The following TASOR variants were observed in gnomAD, a reference collection of about 807,000 sequenced individuals.
The protein encoded by TASOR is transcription activation suppressor.
Under a neutral mutation model 178.6 loss-of-function variants are expected in TASOR, and 53 were observed. The ratio of observed to expected loss-of-function variants is 0.30; its 90% CI spans 0.24 to 0.37. TASOR has a LOEUF of 0.37. Ranked by LOEUF, TASOR falls within the 10% of genes least tolerant of loss-of-function variation. The pLI is 1.00. For missense variants in TASOR, 1,815 were observed against 1,971.4 expected (o/e 0.92, Z 1.50); for synonymous variants, 713 against 696.2 (o/e 1.02, Z -0.38).
chr3:56,632,785 A>G (rs756956693), intron 18 of TASOR, among the ~76,000 whole-genome samples: 1 of 152,094 alleles, frequency 6.6e-6, no homozygotes, highest in Admixed American at 6.6e-5. Context: ...GGACTACAGT[A>G]GAGTGCCACC....
Position 56,668,280 on chromosome 3 carries a change from CA to C in TASOR, c.897+116del, listed in dbSNP as rs2107624454. The stretch of plus-strand genomic sequence containing the variant: ...GACACTGGAGTCTGGAAGTGATATG[CA>C]GACACCAGAGTCTAGACTAATGTGG... On this transcript the variant is annotated intron_variant, in intron 6 of 23. Coordinates refer to ENST00000683822, the MANE Select transcript of TASOR (RefSeq NM_001365635.2). 3.3e-6 allele frequency: 3 copies of C among 922,122 alleles called. No individual in the cohort carries two copies. In the East Asian group the frequency reaches 8.0e-5, roughly 25 times the overall value. The allele number at this position is 922,122 out of a possible 1,614,324, so 57.1% of individuals were successfully genotyped here.
In TASOR at chr3:56,633,760, G is replaced by A; in HGVS notation, c.3031C>T (p.Pro1011Ser). The A allele has an allele frequency of 6.2e-7, 1 of 1,614,010 alleles. No individual in the cohort carries two copies. Among genetic ancestry groups the A allele is most frequent in the Non-Finnish European group, 8.5e-7 (1 of 1,180,026 alleles). ...QCVPAAEAEP[P>S]AVSETTERTV... The stretch of plus-strand genomic sequence containing the variant: ...CTCTCTGTGGTTTCGCTCACTGCAG[G>A]CGGCTCTGCCTCTGCTGCTGGCACA... The change falls in exon 18 of 24, where the codon CCT becomes TCT. Residue 1011 changes from proline to serine, a missense_variant. By Grantham distance (74) the Pro-to-Ser change is moderately conservative (BLOSUM62 -1). Coordinates refer to ENST00000683822, the MANE Select transcript of TASOR (RefSeq NM_001365635.2).
At chr3:56,649,458 A>G (rs2077304318) in intron 11 of TASOR, among the ~76,000 whole-genome samples, 1 of 152,244 alleles carries the variant, frequency 6.6e-6, no homozygotes, top group Non-Finnish European at 1.5e-5. Context: ...CTGCGTTGCA[A>G]GAGTTCAGAC....
At chr3:56,652,298 G>A (rs1214962231) in intron 11 of TASOR, among the ~76,000 whole-genome samples, 6 of 152,066 alleles carry the variant, frequency 3.9e-5, no homozygotes, top group Admixed American at 1.3e-4. Flanking sequence ...TGGCTAAAAT[G>A]GCTGGGCACG....
chr3:56,633,799 C>T lies in TASOR; in HGVS notation c.2992G>A (p.Val998Met). ...GCTGCTGGCACACACTGCTCCTCCA[C>T]CTGACCTGTCAACACGTCATCCTCA... The part of the protein sequence containing the change: ...TTEDDVLTGQ[V>M]EEQCVPAAEA... Residue 998 changes from valine (V) to methionine (M), a missense_variant, in exon 18 of 24, where the codon GTG becomes ATG. Coordinates refer to ENST00000683822, the MANE Select transcript of TASOR (RefSeq NM_001365635.2). 1.2e-6 allele frequency: 2 copies of T among 1,614,222 alleles called. No individual in the cohort carries two copies. The highest frequency in any genetic ancestry group is 1.7e-6 in the Non-Finnish European group (2 of 1,180,034).
intron 11 of TASOR, among the ~76,000 whole-genome samples, chr3:56,653,393 C>A (rs1233502652): frequency 7.0e-6 from 1 of 143,258 alleles, no homozygotes; most frequent in Admixed American, 6.9e-5. Context: ...AAAAGATATA[C>A]CAAGCTGGAT....
At chr3:56,652,242 G>A (rs1372021537) in intron 11 of TASOR, among the ~76,000 whole-genome samples, 1 of 152,162 alleles carries the variant, frequency 6.6e-6, no homozygotes, top group Non-Finnish European at 1.5e-5. Flanking sequence ...TTGCACAACA[G>A]TGTGAATCTA....
chr3:56,649,089 C>T (rs1216945394), intron 11 of TASOR, 32 bp from the exon 12 acceptor site: 2 of 1,517,406 alleles, frequency 1.3e-6, no homozygotes, highest in African/African-American at 2.8e-5. Flanking sequence ...GAAGTTGTAT[C>T]TGCTTTATTA....
At chr3:56,679,053 C>A (rs2031572485) in intron 1 of TASOR, among the ~76,000 whole-genome samples, 1 of 147,498 alleles carries the variant, frequency 6.8e-6, no homozygotes, top group Non-Finnish European at 1.5e-5. Flanking sequence ...ATACGAAGTA[C>A]AAATAAACAA....
intron 11 of TASOR, among the ~76,000 whole-genome samples, chr3:56,654,063 T>A (rs2107595915): frequency 6.6e-6 from 1 of 152,098 alleles, no homozygotes; most frequent in East Asian, 1.9e-4. Context: ...GCCCAGGAGT[T>A]TGAGACCAAT....
chr3:56,645,256 G>A (rs1207369927), intron 14 of TASOR, among the ~76,000 whole-genome samples: 2 of 151,926 alleles, frequency 1.3e-5, no homozygotes, highest in Admixed American at 6.6e-5. Flanking sequence ...CCTGGGTGAC[G>A]GAGTGAGATT....
At chr3:56,623,948 A>ATC in intron 23 of TASOR, 2 of 849,732 alleles carry the variant, frequency 2.4e-6, no homozygotes, top group African/African-American at 1.8e-5. Flanking sequence ...GCACTAAATG[A>ATC]ATGATCATTT....
At position 56,673,595 on chromosome 3, in the gene TASOR, C is replaced by T. The variant is rs778379838; in HGVS notation, c.462G>A (p.Glu154=). The change falls in exon 2 of 24, where the codon GAG becomes GAA. Residue 154 remains glutamate (E), a synonymous_variant. Coordinates refer to ENST00000683822, the MANE Select transcript of TASOR (RefSeq NM_001365635.2). Reference sequence around the variant, plus strand: ...TAAAACATACCTCCTTTTCCAAAAGCTCATTGTGTACCAAGCAAGCACGTC... The same window carrying T: ...TAAAACATACCTCCTTTTCCAAAAGTTCATTGTGTACCAAGCAAGCACGTC... ...NYRRACLVHN[E]LLEKEFTEKR... 3 of 1,547,442 alleles carry T rather than the reference C, an allele frequency of 1.9e-6. No homozygotes were observed. The highest frequency in any genetic ancestry group is 1.2e-5 in the South Asian group (1 of 82,874).
rs900738381 is a variant in TASOR, at chr3:56,660,933, T to C, written c.1245A>G (p.Thr415=). 21 of 1,611,968 alleles carry C rather than the reference T, an allele frequency of 1.3e-5. No individual in the cohort carries two copies. In the African/African-American group the frequency reaches 2.1e-4, roughly 16 times the overall value. The change falls in exon 10 of 24, where the codon ACA becomes ACG. Residue 415 remains threonine, a synonymous_variant. Transcript: ENST00000683822. ...KIPPALFYKE[T]YLGPNEVLKN... is the part of the protein sequence containing the mutation. Reference sequence around the variant, plus strand: ...CCTTACCTTCATTTGGACCTAAGTATGTTTCCTTATAAAACAGTGCTGGAG... The same window carrying C: ...CCTTACCTTCATTTGGACCTAAGTACGTTTCCTTATAAAACAGTGCTGGAG...
chr3:56,634,029 C>A (rs1438962838), intron 17 of TASOR, 63 bp from the exon 18 acceptor site: 1 of 1,330,786 alleles, frequency 7.5e-7, no homozygotes, highest in Non-Finnish European at 1.0e-6. Context: ...AAAACACAAA[C>A]CCTTAAATTG....
At chr3:56,665,998 C>G (rs1162455312) in intron 7 of TASOR, among the ~76,000 whole-genome samples, 1 of 152,102 alleles carries the variant, frequency 6.6e-6, no homozygotes, top group South Asian at 2.1e-4. Flanking sequence ...ACTTACTCAA[C>G]TACACAAACC....
At chr3:56,641,313 C>A in intron 15 of TASOR, 36 bp downstream of exon 15, 1 of 1,543,996 alleles carries the variant, frequency 6.5e-7, no homozygotes, top group South Asian at 1.2e-5. Context: ...CACACACACT[C>A]ACAAACACAA....
intron 11 of TASOR, among the ~76,000 whole-genome samples, chr3:56,655,154 A>T (rs2077442788): frequency 6.6e-6 from 1 of 152,228 alleles, no homozygotes; most frequent in Non-Finnish European, 1.5e-5. Context: ...TAAAACATAA[A>T]AAACTACTGT....
rs539609973 is a variant in TASOR, at chr3:56,683,199, C to T, written c.-193G>A. ...GTAGCGGGCACCCCAAATGCGCTGC[C>T]CGGTCCTCGGAGCCGCTCCTCCCTC... is the stretch of plus-strand genomic sequence containing the variant. On this transcript the variant is annotated 5_prime_UTR_variant, in exon 1 of 24. Coordinates refer to ENST00000683822, the MANE Select transcript of TASOR (RefSeq NM_001365635.2). 1.6e-5 allele frequency: 9 copies of T among 550,392 alleles called. No individual in the cohort carries two copies. The highest frequency in any genetic ancestry group is 1.4e-4 in the Admixed American group (4 of 29,244). 34.1% of individuals were successfully genotyped at this position (550,392 alleles called of 1,614,324 possible).
Sources: allele counts gnomAD v4.1 joint callset (sites outside exome capture counted in the v4.1 genomes callset), GRCh38; gene constraint gnomAD v4.1.1; transcripts MANE v1.5; gene names NCBI Gene and HGNC (gene_info 2026-07-23, HGNC 2026-07-21).